Variants in ADGRD1 observed in about 807,000 individuals in gnomAD.
ADGRD1 encodes adhesion G protein-coupled receptor D1, also known as G-protein coupled receptor 133.
A neutral mutation model predicts 113.4 loss-of-function variants in ADGRD1; 77 were observed. That is an observed-to-expected ratio of 0.68 (90% CI 0.57 to 0.82). ADGRD1 has a LOEUF of 0.82. ADGRD1 is among the 40% of genes least tolerant of loss of function. The pLI is 0.00. For synonymous variants in ADGRD1, 474 were observed against 475.0 expected, an observed-to-expected ratio of 1.00 and a Z score of 0.03; for missense variants, 1,036 against 1,139.1, an observed-to-expected ratio of 0.91 and a Z score of 1.30.
chr12:131,103,569 G>GCACT (rs71095335), intron 15 of ADGRD1, among the ~76,000 whole-genome samples: 58,510 of 152,022 alleles, frequency 0.38, 12,359 homozygotes, highest in East Asian at 0.69. Flanking sequence ...GTGGTCCAGT[G>GCACT]CACTACCTGC....
chr12:131,123,511 T>C (rs545369286), intron 20 of ADGRD1, among the ~76,000 whole-genome samples: 1 of 151,404 alleles, frequency 6.6e-6, no homozygotes, highest in East Asian at 2.0e-4. Flanking sequence ...AAGAGCTGAA[T>C]GGGGCAGCCT....
intron 2 of ADGRD1, among the ~76,000 whole-genome samples, chr12:130,964,561 T>A (rs1870793396): frequency 6.6e-6 from 1 of 152,158 alleles, no homozygotes; most frequent in South Asian, 2.1e-4. Context: ...GGTCGGTGCC[T>A]GTAATCCCAG....
intron 13 of ADGRD1, among the ~76,000 whole-genome samples, chr12:131,044,078 T>C (rs1204118979): frequency 4.6e-5 from 7 of 152,142 alleles, no homozygotes; most frequent in African/African-American, 1.2e-4. Context: ...CAACAAGAAA[T>C]AGAGGTTCTA....
intron 20 of ADGRD1, among the ~76,000 whole-genome samples, chr12:131,125,239 C>T (rs555448702): frequency 1.4e-3 from 213 of 152,242 alleles, no homozygotes; most frequent in African/African-American, 4.9e-3. Context: ...TTTGAGGGGA[C>T]ATAGTTCAGC....
At chr12:131,019,947 A>C (rs1879109928) in intron 13 of ADGRD1, among the ~76,000 whole-genome samples, 3 of 36,004 alleles carry the variant, frequency 8.3e-5, no homozygotes, top group Non-Finnish European at 1.3e-4. Flanking sequence ...TGTTCCAGGG[A>C]AGGACCCCGA....
chr12:130,996,447 T>C (rs75178479), intron 8 of ADGRD1, among the ~76,000 whole-genome samples: 32 of 46,216 alleles, frequency 6.9e-4, no homozygotes, highest in East Asian at 1.9e-3. Context: ...GCTGGCCGGG[T>C]AGAGGGGCTC....
At chr12:131,055,911 A>G (rs1883826581) in intron 13 of ADGRD1, among the ~76,000 whole-genome samples, 1 of 152,230 alleles carries the variant, frequency 6.6e-6, no homozygotes, top group Admixed American at 6.5e-5. Flanking sequence ...AGAGGGCTCA[A>G]GACCACAAAC....
intron 20 of ADGRD1, among the ~76,000 whole-genome samples, chr12:131,131,320 T>C (rs971869130): frequency 6.6e-6 from 1 of 152,232 alleles, no homozygotes; most frequent in Non-Finnish European, 1.5e-5. Flanking sequence ...TGCCGGGGCC[T>C]GGCACATTGA....
At chr12:131,023,707 T>C (rs771855240) in intron 13 of ADGRD1, 3 of 152,214 alleles carry the variant, frequency 2.0e-5, no homozygotes, top group Non-Finnish European at 4.4e-5. Context: ...CTCCTACTCA[T>C]GGGCATTTAA....
intron 13 of ADGRD1, among the ~76,000 whole-genome samples, chr12:131,036,736 A>AC (rs199678993): frequency 8.1e-6 from 1 of 123,820 alleles, no homozygotes; most frequent in African/African-American, 2.9e-5. Context: ...CACTCACTGC[A>AC]TGGGGCCTCA....
At chr12:131,118,573 C>T in intron 19 of ADGRD1, 122 bp downstream of exon 19, 1 of 653,494 alleles carries the variant, frequency 1.5e-6, no homozygotes, top group East Asian at 2.8e-5. Flanking sequence ...AAAGCTGGCT[C>T]CCACAGGCCC....
In ADGRD1 at chr12:130,971,994, A is replaced by T. The variant is rs1243003547; in HGVS notation, c.310+414A>T. Among the ~76,000 whole-genome samples, 1 of 152,184 alleles carries T rather than the reference A, an allele frequency of 6.6e-6. No individual in the cohort carries two copies. The highest frequency in any genetic ancestry group is 1.5e-5 in the Non-Finnish European group (1 of 68,034). On this transcript the variant is annotated intron_variant, in intron 4 of 24. Coordinates refer to ENST00000261654, the MANE Select transcript of ADGRD1 (RefSeq NM_198827.5). This position sits in a 1 kb window ranked among gnomAD's most constrained non-coding sequence, Gnocchi z 4.2. ...GTGAGCGGGCAGGGCATACCCAAGA[A>T]CACTTGCGCCTGGTTTTGGTTCTTT...
intron 8 of ADGRD1, 56 bp downstream of exon 8, chr12:130,992,448 C>T: frequency 1.4e-6 from 2 of 1,426,536 alleles, no homozygotes; most frequent in Non-Finnish European, 1.9e-6. Context: ...CTTACCGGGA[C>T]CATAGATGTT....
chr12:131,115,394 G>A (rs1950441213), intron 18 of ADGRD1, among the ~76,000 whole-genome samples: 1 of 152,230 alleles, frequency 6.6e-6, no homozygotes, highest in Non-Finnish European at 1.5e-5. Flanking sequence ...GGGCAGGGGT[G>A]TGGACCTCCC....
At chr12:130,983,840 T>C (rs1206469078) in intron 5 of ADGRD1, among the ~76,000 whole-genome samples, 1 of 152,112 alleles carries the variant, frequency 6.6e-6, no homozygotes, top group Non-Finnish European at 1.5e-5. Flanking sequence ...CCCTGTTCCT[T>C]CCAGCAGCAA....
In ADGRD1 at chr12:131,141,217, C is replaced by A. The variant is rs1287896375; in HGVS notation, c.*1954C>A. 2 of 152,204 alleles carry A rather than the reference C, an allele frequency of 1.3e-5. No homozygotes were observed. Among genetic ancestry groups the A allele is most frequent in the Non-Finnish European group, 2.9e-5 (2 of 68,040 alleles). 9.4% of individuals were successfully genotyped at this position (152,204 alleles called of 1,614,324 possible). A position where few individuals can be genotyped will look rare whatever the true frequency, so the allele number is the denominator to read the frequency against. ...ATTGTTGCCGTATTCATCTATATAG[C>A]TAATATTTCAAGATAAGTAATGAAC... On this transcript the variant is annotated 3_prime_UTR_variant, in exon 25 of 25. Coordinates refer to ENST00000261654, the MANE Select transcript of ADGRD1 (RefSeq NM_198827.5).
chr12:131,108,781 T>G lies in ADGRD1; in HGVS notation c.1945T>G (p.Trp649Gly), dbSNP rs1950288340. Residue 649 changes from tryptophan (W) to glycine (G), a missense_variant, in exon 18 of 25, where the codon TGG becomes GGG. Coordinates refer to ENST00000261654, the MANE Select transcript of ADGRD1 (RefSeq NM_198827.5). ...LHYFFLSAFA[W>G]MLVEGLHLYS... ...CTACTTCTTCCTGAGTGCCTTCGCA[T>G]GGATGCTGGTGGAGGGGCTGCACCT... 1 of 1,613,988 alleles carries G rather than the reference T, an allele frequency of 6.2e-7. No individual in the cohort carries two copies. Among genetic ancestry groups the G allele is most frequent in the Non-Finnish European group, 8.5e-7 (1 of 1,179,988 alleles).
At chr12:130,979,955 C>A (rs1359134697) in intron 4 of ADGRD1, among the ~76,000 whole-genome samples, 2 of 152,176 alleles carry the variant, frequency 1.3e-5, no homozygotes, top group African/African-American at 4.8e-5. Flanking sequence ...AATGCAACGC[C>A]AGAGAGGCCC....
chr12:131,006,135 C>A, intron 12 of ADGRD1, 88 bp downstream of exon 12: 1 of 1,109,330 alleles, frequency 9.0e-7, no homozygotes, highest in Non-Finnish European at 1.4e-6. Flanking sequence ...CCCACACGCA[C>A]AACACTGAGA....
Sources: allele counts gnomAD v4.1 joint callset (sites outside exome capture counted in the v4.1 genomes callset), GRCh38; gene constraint gnomAD v4.1.1; non-coding constraint Gnocchi (gnomAD v3.1); transcripts MANE v1.5; gene names NCBI Gene and HGNC (gene_info 2026-07-23, HGNC 2026-07-21).